The following ZNF227 variants were observed in gnomAD, a reference collection of about 807,000 sequenced individuals.
The protein encoded by ZNF227 is zinc finger protein 227.
A neutral mutation model predicts 13.2 loss-of-function variants in ZNF227; 12 were observed. The observed-to-expected ratio is 0.91, with a 90% CI of 0.58 to 1.47. The LOEUF is 1.47. ZNF227 is among the 40% of genes most tolerant of loss of function. The pLI is 0.00. For synonymous variants in ZNF227, 338 were observed against 326.0 expected (o/e 1.04, Z -0.40); for missense variants, 885 against 967.5 (o/e 0.91, Z 1.13).
chr19:44,217,986 G>T, intron 3 of ZNF227, 134 bp downstream of exon 3: 2 of 958,654 alleles, frequency 2.1e-6, no homozygotes, highest in Non-Finnish European at 3.1e-6. Flanking sequence ...ACATGTATGT[G>T]TTTTTTTGTT....
Position 44,213,200 on chromosome 19 carries a change from G to C in ZNF227, c.-47G>C, listed in dbSNP as rs542485377. The C allele has an allele frequency of 6.6e-6, 1 of 152,288 alleles. No homozygotes were observed. Among genetic ancestry groups the C allele is most frequent in the African/African-American group, 2.4e-5 (1 of 41,550 alleles). 9.4% of individuals were successfully genotyped at this position (152,288 alleles called of 1,614,324 possible). On this transcript the variant is annotated 5_prime_UTR_variant, in exon 2 of 6. Transcript: ENST00000313040. ...TATTCACCGCCTCCGAATTTGCAAA[G>C]AGGAGGAAGGAGGGACTTCTTGGCT...
In ZNF227 at chr19:44,236,535, A is replaced by C; in HGVS notation, c.2105A>C (p.Asn702Thr). ...ECGKGFGRSL[N>T]LRHHQRVHTG... ...GGGAAAGGCTTTGGTAGGAGCTTGA[A>C]TCTTCGCCATCATCAGAGGGTCCAC... Residue 702 changes from asparagine (N) to threonine (T), a missense_variant, in exon 6 of 6, where the codon AAT (asparagine) becomes ACT (threonine). Transcript: ENST00000313040. The C allele has an allele frequency of 6.2e-7, 1 of 1,613,592 alleles. No homozygotes were observed. Among genetic ancestry groups the C allele is most frequent in the Non-Finnish European group, 8.5e-7 (1 of 1,179,860 alleles).
chr19:44,226,867 G>C (rs986996306), intron 3 of ZNF227, among the ~76,000 whole-genome samples: 2 of 152,174 alleles, frequency 1.3e-5, no homozygotes, highest in African/African-American at 4.8e-5. Flanking sequence ...CTTCTGCATT[G>C]CTCATGCTGG....
In ZNF227 at chr19:44,235,570, C is replaced by T; in HGVS notation, c.1140C>T (p.Tyr380=). The T allele has an allele frequency of 6.2e-7, 1 of 1,614,068 alleles. No homozygotes were observed. The highest frequency in any genetic ancestry group is 8.5e-7 in the Non-Finnish European group (1 of 1,179,998). Residue 380 remains tyrosine, a synonymous_variant, in exon 6 of 6, where the codon TAC becomes TAT. Coordinates refer to ENST00000313040, the MANE Select transcript of ZNF227 (RefSeq NM_182490.3). ...HQRVHTEEKP[Y]KCEECGKGFG... is the part of the protein sequence containing the mutation. ...GAGTCCACACTGAAGAAAAACCATA[C>T]AAATGCGAAGAGTGTGGTAAGGGCT...
chr19:44,217,986 GTTTT>G (rs1268524946), intron 3 of ZNF227, 134 bp downstream of exon 3: 2 of 958,536 alleles, frequency 2.1e-6, no homozygotes, highest in Non-Finnish European at 3.1e-6. Flanking sequence ...ACATGTATGT[GTTTT>G]TTTGTTTTAG....
At position 44,235,290 on chromosome 19, in the gene ZNF227, A is replaced by C. The variant is rs531988557; in HGVS notation, c.860A>C (p.His287Pro). 2 of 1,614,186 alleles carry C rather than the reference A, an allele frequency of 1.2e-6. No homozygotes were observed. The highest frequency in any genetic ancestry group is 3.3e-5 in the Admixed American group (2 of 60,012). The change falls in exon 6 of 6, where the codon CAT (histidine) becomes CCT (proline). Residue 287 changes from histidine (H) to proline (P), a missense_variant. Coordinates refer to ENST00000313040, the MANE Select transcript of ZNF227 (RefSeq NM_182490.3). ...AGTCAAAGCTCACATCTGCGAACTC[A>C]TCAGAGAATTCACCCAGGAGAGAAA... ...CFSQSSHLRT[H>P]QRIHPGEKLN...
chr19:44,215,742 C>T (rs1405150016), intron 2 of ZNF227, among the ~76,000 whole-genome samples: 1 of 151,962 alleles, frequency 6.6e-6, no homozygotes, highest in Non-Finnish European at 1.5e-5. Flanking sequence ...AATCCCAGCA[C>T]TTGGGGAGGC....
At chr19:44,233,550 A>T (rs1974079600) in intron 5 of ZNF227, among the ~76,000 whole-genome samples, 1 of 152,068 alleles carries the variant, frequency 6.6e-6, no homozygotes. Context: ...TAAATCAAAT[A>T]ATAAGTACTG....
chr19:44,223,754 C>G (rs1445286457), intron 3 of ZNF227, among the ~76,000 whole-genome samples: 1 of 151,788 alleles, frequency 6.6e-6, no homozygotes, highest in Admixed American at 6.6e-5. Flanking sequence ...TTTTTTGTGT[C>G]TCTATTTCCT....
chr19:44,214,471 C>T (rs1051844262), intron 2 of ZNF227, among the ~76,000 whole-genome samples: 14 of 151,818 alleles, frequency 9.2e-5, no homozygotes, highest in Non-Finnish European at 1.9e-4. Context: ...CTCCACCTCC[C>T]AGGTTCAAGT....
intron 5 of ZNF227, 42 bp from the exon 6 acceptor site, chr19:44,234,660 C>A: frequency 6.7e-7 from 1 of 1,495,656 alleles, no homozygotes; most frequent in Non-Finnish European, 9.0e-7. Flanking sequence ...AAAGCATTTA[C>A]TGCCCTCATC....
intron 3 of ZNF227, chr19:44,228,242 A>C: frequency 9.8e-6 from 5 of 509,284 alleles, no homozygotes; most frequent in Non-Finnish European, 1.3e-5. Context: ...AAAGAAAAAA[A>C]CAAAAAACAG....
At position 44,236,427 on chromosome 19, in the gene ZNF227, G is replaced by T; in HGVS notation, c.1997G>T (p.Gly666Val). 4 of 1,613,256 alleles carry T rather than the reference G, an allele frequency of 2.5e-6. No homozygotes were observed. The highest frequency in any genetic ancestry group is 3.4e-6 in the Non-Finnish European group (4 of 1,179,806). ...GEKPYKCDVC[G>V]KGFRYSSQFI... ...AAGCCATACAAATGTGATGTGTGTG[G>T]AAAGGGCTTTAGATACAGTTCGCAG... Residue 666 changes from glycine to valine, a missense_variant, in exon 6 of 6, where the codon GGA becomes GTA. By Grantham distance (109) the Gly-to-Val change is moderately radical. Coordinates refer to ENST00000313040, the MANE Select transcript of ZNF227 (RefSeq NM_182490.3).
chr19:44,227,107 T>C (rs1472199299), intron 3 of ZNF227: 1 of 152,180 alleles, frequency 6.6e-6, no homozygotes, highest in Non-Finnish European at 1.5e-5. Flanking sequence ...AGTCACAAAA[T>C]AGGACAAAAG....
At position 44,236,227 on chromosome 19, in the gene ZNF227, A is replaced by G. The variant is rs1371706336; in HGVS notation, c.1797A>G (p.Ser599=). 1.2e-6 allele frequency: 2 copies of G among 1,613,928 alleles called. No homozygotes were observed. The highest frequency in any genetic ancestry group is 2.7e-5 in the African/African-American group (2 of 74,880). The change falls in exon 6 of 6, where the codon TCA becomes TCG. Residue 599 remains serine, a synonymous_variant. Transcript: ENST00000313040. ...SNLHAHQRVH[S]GEKPYKCEQC... is the part of the protein sequence containing the mutation. ...TTCATGCACATCAAAGAGTTCACTC[A>G]GGAGAAAAACCCTATAAATGTGAGC... is the stretch of plus-strand genomic sequence containing the variant.
chr19:44,211,390 C>T (rs1008168366), upstream of ZNF227, among the ~76,000 whole-genome samples: 4 of 152,142 alleles, frequency 2.6e-5, no homozygotes, highest in Non-Finnish European at 5.9e-5. Flanking sequence ...GAACTGCAAA[C>T]ATGTACTGTA....
intron 5 of ZNF227, among the ~76,000 whole-genome samples, chr19:44,233,600 C>T (rs1187170095): frequency 5.3e-5 from 8 of 151,852 alleles, no homozygotes; most frequent in Admixed American, 1.3e-4. Context: ...TGGAAAGAGT[C>T]GAAGGTGTAT....
rs760949925 is a variant in ZNF227, at chr19:44,236,725, C to A, written c.2295C>A (p.Val765=). 2.5e-6 allele frequency: 4 copies of A among 1,614,046 alleles called. No individual in the cohort carries two copies. In the East Asian group the frequency reaches 6.7e-5, roughly 27 times the overall value. The part of the protein sequence containing the change: ...QSARLEAHQR[V]HTGEKPYKCD... ...CACGTCTTGAAGCCCATCAGAGAGT[C>A]CACACTGGAGAAAAACCATACAAAT... Residue 765 remains valine, a synonymous_variant, in exon 6 of 6, where the codon GTC becomes GTA. Coordinates refer to ENST00000313040, the MANE Select transcript of ZNF227 (RefSeq NM_182490.3).
upstream of ZNF227, among the ~76,000 whole-genome samples, chr19:44,211,724 A>C (rs1599758516): frequency 6.6e-6 from 1 of 150,880 alleles, no homozygotes; most frequent in East Asian, 1.9e-4. Context: ...GCATTTTTTG[A>C]TTGCTCTTTC....
Sources: allele counts gnomAD v4.1 joint callset (sites outside exome capture counted in the v4.1 genomes callset), GRCh38; gene constraint gnomAD v4.1.1; transcripts MANE v1.5; gene names NCBI Gene and HGNC (gene_info 2026-07-23, HGNC 2026-07-21).